ABCC1: variants seen among roughly 807,000 people sequenced by gnomAD.
ABCC1 encodes the protein multidrug resistance-associated protein 1.
A neutral mutation model predicts 172.9 loss-of-function variants in ABCC1; 83 were observed. That is an observed-to-expected ratio of 0.48 (90% CI 0.40 to 0.58). The LOEUF (loss-of-function observed/expected upper bound fraction) is 0.58. Among genes scored for constraint, ABCC1 ranks in the 20% least tolerant of loss-of-function variants. ABCC1 has a pLI of 0.00. For synonymous variants in ABCC1, 937 were observed against 825.2 expected (o/e 1.14, Z -2.32); for missense variants, 1,817 against 2,002.7 (o/e 0.91, Z 1.77).
intron 15 of ABCC1, 136 bp downstream of exon 15, chr16:16,076,537 C>G (rs28364005): frequency 8.7e-6 from 7 of 807,870 alleles, no homozygotes; most frequent in Non-Finnish European, 1.3e-5. Context: ...ACTTAGCTTA[C>G]CCATCTGGAC....
chr16:16,060,112 G>T (rs532539715), intron 12 of ABCC1, among the ~76,000 whole-genome samples: 1 of 152,276 alleles, frequency 6.6e-6, no homozygotes, highest in East Asian at 1.9e-4. Flanking sequence ...TAGAGGACTG[G>T]AATGTTCTTC....
chr16:15,967,495 C>A (rs1165823244), intron 1 of ABCC1, among the ~76,000 whole-genome samples: 1 of 151,716 alleles, frequency 6.6e-6, no homozygotes, highest in African/African-American at 2.4e-5. Flanking sequence ...CTGATCCCAG[C>A]ACTTAGTGAT....
intron 1 of ABCC1, among the ~76,000 whole-genome samples, chr16:15,969,763 C>G (rs1415884386): frequency 1.3e-5 from 2 of 151,958 alleles, no homozygotes; most frequent in African/African-American, 4.8e-5. Flanking sequence ...CTTAGACCCT[C>G]TCAGGAGCTC....
intron 5 of ABCC1, among the ~76,000 whole-genome samples, chr16:16,031,030 G>A (rs966332560): frequency 1.3e-5 from 2 of 151,984 alleles, no homozygotes; most frequent in African/African-American, 4.8e-5. Context: ...TGTATTTTTG[G>A]TAGAGACGAG....
At chr16:16,109,027 A>G (rs1487763955) in intron 21 of ABCC1, among the ~76,000 whole-genome samples, 1 of 152,130 alleles carries the variant, frequency 6.6e-6, no homozygotes, top group African/African-American at 2.4e-5. Flanking sequence ...TGAAATAAAC[A>G]CATTCTTAAT....
chr16:16,077,047 A>G lies in ABCC1; in HGVS notation c.1988+646A>G, dbSNP rs1454613305. ...CTTTCTATCTGGCACCCCACACCCT[A>G]CAGTCCTTACCTTTCCAAAGCACAT... On this transcript the variant is annotated intron_variant, in intron 15 of 30. Transcript: ENST00000399410. Among the ~76,000 whole-genome samples the G allele has an allele frequency of 3.7e-4, 57 of 152,048 alleles. 1 individual carries two copies. Among genetic ancestry groups the G allele is most frequent in the Admixed American group, 3.7e-3 (57 of 15,262 alleles).
At chr16:16,056,067 G>A in intron 11 of ABCC1, 25 bp from the exon 12 acceptor site, 2 of 1,611,922 alleles carry the variant, frequency 1.2e-6, no homozygotes, top group South Asian at 1.1e-5. Flanking sequence ...CGCCCCAGAT[G>A]TGTTGACTGC....
chr16:16,078,242 G>T (rs1223314648), intron 15 of ABCC1, among the ~76,000 whole-genome samples: 1 of 152,164 alleles, frequency 6.6e-6, no homozygotes, highest in Non-Finnish European at 1.5e-5. Flanking sequence ...TCCAGCAAAG[G>T]TTTGGATGTG....
chr16:16,103,267 C>T (rs1196430420), intron 20 of ABCC1, among the ~76,000 whole-genome samples: 3 of 152,064 alleles, frequency 2.0e-5, no homozygotes, highest in South Asian at 4.1e-4. Context: ...AGTATATTAA[C>T]CATCCTAGCT....
At position 16,070,508 on chromosome 16, in the gene ABCC1, T is replaced by TA. The variant is rs566962305; in HGVS notation, c.1825-1127dup. ...TGAAACCCTGTCTCTGCTAAAAATATAAAAAAATTAGCCAGGTGTGGTGGC... is the reference window on the plus strand; with the variant it reads ...TGAAACCCTGTCTCTGCTAAAAATATAAAAAAAATTAGCCAGGTGTGGTGGC... On this transcript the variant is annotated intron_variant, in intron 13 of 30. Transcript: ENST00000399410. Among the ~76,000 whole-genome samples, 111 of 151,970 alleles carry TA rather than the reference T, an allele frequency of 7.3e-4. 2 individuals carry two copies. In the East Asian group the frequency reaches 0.011, roughly 15 times the overall value.
At chr16:16,028,040 G>A (rs542528068) in intron 5 of ABCC1, among the ~76,000 whole-genome samples, 13 of 152,182 alleles carry the variant, frequency 8.5e-5, no homozygotes, top group African/African-American at 2.4e-4. Context: ...GGATTGAGCC[G>A]TGCCAGCTAG....
chr16:16,140,521 T>C (rs1461461533), intron 30 of ABCC1, among the ~76,000 whole-genome samples: 1 of 152,156 alleles, frequency 6.6e-6, no homozygotes, highest in Non-Finnish European at 1.5e-5. Context: ...TCTAGTTCAC[T>C]GAGTACCACC....
At chr16:15,974,929 G>A (rs538382017) in intron 1 of ABCC1, among the ~76,000 whole-genome samples, 35 of 152,240 alleles carry the variant, frequency 2.3e-4, no homozygotes, top group African/African-American at 5.3e-4. Flanking sequence ...GGGATTACAA[G>A]TTGTTTGCCA....
At chr16:16,136,235 G>C (rs1000264807) in intron 28 of ABCC1, among the ~76,000 whole-genome samples, 5 of 152,040 alleles carry the variant, frequency 3.3e-5, no homozygotes, top group Non-Finnish European at 7.4e-5. Flanking sequence ...TGTTGGCCAG[G>C]CTGGTCTCGA....
chr16:15,985,060 G>A (rs1300595274), intron 1 of ABCC1, among the ~76,000 whole-genome samples: 2 of 152,124 alleles, frequency 1.3e-5, no homozygotes, highest in South Asian at 2.1e-4. Flanking sequence ...CCATGATCAC[G>A]CCACTGCACT....
intron 1 of ABCC1, among the ~76,000 whole-genome samples, chr16:15,967,771 AAC>A (rs536800805): frequency 9.2e-5 from 13 of 141,814 alleles, no homozygotes; most frequent in South Asian, 8.7e-4. Flanking sequence ...AAAAAAAAAA[AAC>A]AACAAAAAAA....
Position 16,111,500 on chromosome 16 carries a change from G to C in ABCC1, c.2997G>C (p.Trp999Cys). The C allele has an allele frequency of 6.2e-7, 1 of 1,614,136 alleles. No individual in the cohort carries two copies. The highest frequency in any genetic ancestry group is 8.5e-7 in the Non-Finnish European group (1 of 1,180,030). The change falls in exon 22 of 31, where the codon TGG (tryptophan) becomes TGC (cysteine). Residue 999 changes from tryptophan to cysteine, a missense_variant. Physicochemically the swap from Trp to Cys is radical, Grantham distance 215. Coordinates refer to ENST00000399410, the MANE Select transcript of ABCC1 (RefSeq NM_004996.4). ...ALASNYWLSL[W>C]TDDPIVNGTQ... is the part of the protein sequence containing the mutation. ...CTTCCAACTATTGGCTCAGCCTCTG[G>C]ACTGATGACCCCATCGTCAACGGGA...
chr16:15,973,107 T>C (rs1301589268), intron 1 of ABCC1, among the ~76,000 whole-genome samples: 3 of 152,006 alleles, frequency 2.0e-5, no homozygotes, highest in African/African-American at 7.2e-5. Flanking sequence ...TGTTTTTCTT[T>C]CAATCAATTC....
At chr16:16,053,774 CAAA>C (rs10526186) in intron 11 of ABCC1, among the ~76,000 whole-genome samples, 21 of 36,178 alleles carry the variant, frequency 5.8e-4, no homozygotes, top group African/African-American at 8.8e-4. Context: ...GACCCTGTCT[CAAA>C]AAAAAAAAAA....
Sources: gnomAD v4.1 joint callset for allele counts (sites outside exome capture counted in the v4.1 genomes callset) on GRCh38, gnomAD v4.1.1 for gene constraint, MANE v1.5 for transcripts, NCBI Gene and HGNC (gene_info 2026-07-23, HGNC 2026-07-21) for gene names.